The following CDCA4 variants were observed in gnomAD, a reference collection of about 807,000 sequenced individuals.
The protein encoded by CDCA4 is cell division cycle-associated protein 4.
For synonymous variants in CDCA4, 130 were observed against 137.0 expected, an observed-to-expected ratio of 0.95 and a Z score of 0.36; for missense variants, 294 against 322.1, an observed-to-expected ratio of 0.91 and a Z score of 0.67.
chr14:105,017,028 G>A (rs772688279), intron 1 of CDCA4, among the ~76,000 whole-genome samples: 1 of 152,162 alleles, frequency 6.6e-6, no homozygotes, highest in African/African-American at 2.4e-5. Flanking sequence ...AGAAATAATC[G>A]TTTTATAAAA....
chr14:105,013,010 G>A (rs113582923), intron 1 of CDCA4, among the ~76,000 whole-genome samples: 3 of 152,232 alleles, frequency 2.0e-5, no homozygotes, highest in African/African-American at 4.8e-5. Flanking sequence ...AGTGTTTCTC[G>A]GCGTATGCCT....
chr14:105,014,805 T>C (rs1274620442), intron 1 of CDCA4, among the ~76,000 whole-genome samples: 1 of 152,132 alleles, frequency 6.6e-6, no homozygotes, highest in South Asian at 2.1e-4. Flanking sequence ...ACCTTTTAGG[T>C]TTTTAGTTTC....
chr14:105,018,118 G>T (rs1886135081), intron 1 of CDCA4, among the ~76,000 whole-genome samples: 4 of 151,570 alleles, frequency 2.6e-5, no homozygotes, highest in Non-Finnish European at 5.9e-5. Flanking sequence ...GGGCCAGAAA[G>T]AATCCTCCAG....
In CDCA4 at chr14:105,018,026, T is replaced by C. The variant is rs560954775; in HGVS notation, c.-7+2973A>G. On this transcript the variant is annotated intron_variant, in intron 1 of 1. Coordinates refer to ENST00000336219, the MANE Select transcript of CDCA4 (RefSeq NM_017955.4). ...TATGTACCGTAGGATTCTATTGATC[T>C]GAACCTTCAGGACAGGCAAAGCTAA... Among the ~76,000 whole-genome samples, 5 of 152,044 alleles carry C rather than the reference T, an allele frequency of 3.3e-5. No individual in the cohort carries two copies. The South Asian group carries it at 1.0e-3, about 32-fold the overall frequency.
intron 1 of CDCA4, among the ~76,000 whole-genome samples, chr14:105,018,155 T>C (rs1031195474): frequency 1.3e-5 from 2 of 150,636 alleles, no homozygotes; most frequent in African/African-American, 2.4e-5. Context: ...TCTCGCCCCT[T>C]GTAGGACTTG....
intron 1 of CDCA4, among the ~76,000 whole-genome samples, chr14:105,014,250 C>T (rs3923888): frequency 0.52 from 79,609 of 151,956 alleles, 23,188 homozygotes; most frequent in Non-Finnish European, 0.66. Context: ...CGCACACATG[C>T]GCCTGCGGCA....
intron 1 of CDCA4, among the ~76,000 whole-genome samples, chr14:105,017,632 C>T (rs905625523): frequency 1.3e-5 from 2 of 151,888 alleles, no homozygotes; most frequent in Non-Finnish European, 2.9e-5. Flanking sequence ...GAGATTGAGA[C>T]CATCCTGGCC....
At chr14:105,020,463 T>G (rs1355438267) in intron 1 of CDCA4, among the ~76,000 whole-genome samples, 1 of 152,182 alleles carries the variant, frequency 6.6e-6, no homozygotes, top group Non-Finnish European at 1.5e-5. Flanking sequence ...TCTGCAAGTG[T>G]CTCGGGGACT....
rs1178975683 is a variant in CDCA4 at position 105,009,752 on chromosome 14, A to T, written c.*1452T>A. On this transcript the variant is annotated 3_prime_UTR_variant, in exon 2 of 2. Transcript: ENST00000336219. ...CTCCAGCCGGGCGCTGAACAATGTA[A>T]AAAGAATTTGCTCTGCAACCCTGTG... 1 of 149,174 alleles carries T rather than the reference A, an allele frequency of 6.7e-6. No homozygotes were observed. Among genetic ancestry groups the T allele is most frequent in the Non-Finnish European group, 1.5e-5 (1 of 67,272 alleles). The allele number at this position is 149,174 out of a possible 1,614,324, so 9.2% of individuals were successfully genotyped here. A position where few individuals can be genotyped will look rare whatever the true frequency, so the allele number is the denominator to read the frequency against.
At chr14:105,013,470 G>C (rs546410490) in intron 1 of CDCA4, among the ~76,000 whole-genome samples, 64 of 152,266 alleles carry the variant, frequency 4.2e-4, no homozygotes, top group African/African-American at 1.5e-3. Flanking sequence ...GCATAAATAG[G>C]GTTACAATCT....
intron 1 of CDCA4, among the ~76,000 whole-genome samples, chr14:105,019,059 T>C (rs1886156495): frequency 6.6e-6 from 1 of 152,008 alleles, no homozygotes; most frequent in African/African-American, 2.4e-5. Context: ...TGAAGCTCTT[T>C]CTACACATCT....
At chr14:105,012,235 T>C (rs898893206) in intron 1 of CDCA4, among the ~76,000 whole-genome samples, 4 of 152,130 alleles carry the variant, frequency 2.6e-5, no homozygotes, top group African/African-American at 7.2e-5. Context: ...GAACTAAAAA[T>C]AGGAGAAATA....
Position 105,011,271 on chromosome 14 carries a change from G to C in CDCA4, c.659C>G (p.Pro220Arg), listed in dbSNP as rs1318268567. Residue 220 changes from proline to arginine, a missense_variant, in exon 2 of 2, where the codon CCT becomes CGT. By Grantham distance (103) the Pro-to-Arg change is moderately radical. Transcript: ENST00000336219. Reference protein sequence around the residue: ...LEGLAPATPGPSSSCKSDLGE... With the variant: ...LEGLAPATPGRSSSCKSDLGE... ...CAGGTCGGACTTGCAGCTGGAGCTA[G>C]GGCCTGGGGTGGCCGGAGCCAAGCC... is the stretch of plus-strand genomic sequence containing the variant. The C allele has an allele frequency of 2.5e-6, 4 of 1,613,636 alleles. No individual in the cohort carries two copies. The Admixed American group carries it at 5.0e-5, about 20-fold the overall frequency.
chr14:105,011,120 G>A lies in CDCA4; in HGVS notation c.*84C>T, dbSNP rs1030252092. 4.5e-5 allele frequency: 66 copies of A among 1,460,296 alleles called. 2 individuals are homozygous for A. In the East Asian group the frequency reaches 7.6e-4, roughly 17 times the overall value. The allele number at this position is 1,460,296 out of a possible 1,614,324, so 90.5% of individuals were successfully genotyped here. On this transcript the variant is annotated 3_prime_UTR_variant, in exon 2 of 2. Coordinates refer to ENST00000336219, the MANE Select transcript of CDCA4 (RefSeq NM_017955.4). ...GCAGACAGGGCAGCAAGGCTGGGCC[G>A]CTGGCGGCAGGCGCACCCTCCGTGG...
chr14:105,012,956 G>A (rs773036508), intron 1 of CDCA4, among the ~76,000 whole-genome samples: 10 of 152,196 alleles, frequency 6.6e-5, no homozygotes, highest in South Asian at 2.1e-4. Flanking sequence ...AGGGGGGGTG[G>A]GTTCCTCACC....
At chr14:105,016,325 G>A (rs1900654406) in intron 1 of CDCA4, among the ~76,000 whole-genome samples, 1 of 152,218 alleles carries the variant, frequency 6.6e-6, no homozygotes, top group Non-Finnish European at 1.5e-5. Context: ...AGGGAGGGAA[G>A]TTTCACACTA....
chr14:105,011,870 G>A lies in CDCA4; in HGVS notation c.60C>T (p.Ala20=), dbSNP rs1318494927. 4.3e-6 allele frequency: 7 copies of A among 1,613,974 alleles called. No homozygotes were observed. Among genetic ancestry groups the A allele is most frequent in the Non-Finnish European group, 5.9e-6 (7 of 1,180,014 alleles). The stretch of plus-strand genomic sequence containing the variant: ...AGGACACTGTCTTCAAGCCGGCCAG[G>A]GCTCCCTCCACGTCTTCCTCGTGGC... The part of the protein sequence containing the change: ...CVGHEEDVEG[A]LAGLKTVSSY... The change falls in exon 2 of 2, where the codon GCC becomes GCT. Residue 20 remains alanine (A), a synonymous_variant. Coordinates refer to ENST00000336219, the MANE Select transcript of CDCA4 (RefSeq NM_017955.4).
At chr14:105,019,234 G>C (rs1886159984) in intron 1 of CDCA4, among the ~76,000 whole-genome samples, 1 of 152,182 alleles carries the variant, frequency 6.6e-6, no homozygotes, top group South Asian at 2.1e-4. Flanking sequence ...ATGGCAGGTG[G>C]AACAGCCAAC....
In CDCA4 at chr14:105,011,175, A is replaced by C. The variant is rs1677643390; in HGVS notation, c.*29T>G. 1 of 1,577,300 alleles carries C rather than the reference A, an allele frequency of 6.3e-7. No individual in the cohort carries two copies. Among genetic ancestry groups the C allele is most frequent in the Non-Finnish European group, 8.6e-7 (1 of 1,161,536 alleles). The stretch of plus-strand genomic sequence containing the variant: ...CAGTGCTCACGTGTCAATGCGTCAG[A>C]GGCGGCTGTGAGCACTCAGGGCTCC... On this transcript the variant is annotated 3_prime_UTR_variant, in exon 2 of 2. Transcript: ENST00000336219.
Sources: gnomAD v4.1 joint callset for allele counts (sites outside exome capture counted in the v4.1 genomes callset) on GRCh38, gnomAD v4.1.1 for gene constraint, MANE v1.5 for transcripts, NCBI Gene and HGNC (gene_info 2026-07-23, HGNC 2026-07-21) for gene names.